The following ADSS2 variants were observed in gnomAD, a reference collection of about 807,000 sequenced individuals.
ADSS2 encodes adenylosuccinate synthase 2.
Under a neutral mutation model 60.0 loss-of-function variants are expected in ADSS2, and 30 were observed. That is an observed-to-expected ratio of 0.50 (90% CI 0.37 to 0.68). ADSS2 has a LOEUF of 0.68. ADSS2 is among the 30% of genes least tolerant of loss of function. The pLI is 0.00. For synonymous variants in ADSS2, 187 were observed against 193.1 expected, an observed-to-expected ratio of 0.97 and a Z score of 0.26; for missense variants, 373 against 554.8, an observed-to-expected ratio of 0.67 and a Z score of 3.29.
chr1:244,417,511 A>G lies in ADSS2; in HGVS notation c.1070+117T>C. On this transcript the variant is annotated intron_variant, in intron 10 of 12. Coordinates refer to ENST00000366535, the MANE Select transcript of ADSS2 (RefSeq NM_001126.5). ...TGGTCTACTTCTGCCTGGCACTACA[A>G]TTTCAATATGGAGTCTAAAGAGTGA... 2.3e-6 allele frequency: 3 copies of G among 1,294,244 alleles called. No homozygotes were observed. The South Asian group carries it at 4.4e-5, about 19-fold the overall frequency. The allele number at this position is 1,294,244 out of a possible 1,614,324, so 80.2% of individuals were successfully genotyped here. A position where few individuals can be genotyped will look rare whatever the true frequency, so the allele number is the denominator to read the frequency against.
Position 244,451,876 on chromosome 1 carries a change from T to C in ADSS2, c.-59A>G. 1 of 1,439,702 alleles carries C rather than the reference T, an allele frequency of 6.9e-7. No homozygotes were observed. Among genetic ancestry groups the C allele is most frequent in the Non-Finnish European group, 9.2e-7 (1 of 1,091,112 alleles). The allele number at this position is 1,439,702 out of a possible 1,614,324, so 89.2% of individuals were successfully genotyped here. On this transcript the variant is annotated 5_prime_UTR_variant, in exon 1 of 13. Coordinates refer to ENST00000366535, the MANE Select transcript of ADSS2 (RefSeq NM_001126.5). This position sits in a 1 kb window ranked among gnomAD's most constrained non-coding sequence, Gnocchi z 6.6. ...GGCGGCCGGCGAGGAGTGAGCGAACTGAACTGCTCTGCGGCCGCCAGCCAC... is the reference window on the plus strand; with the variant it reads ...GGCGGCCGGCGAGGAGTGAGCGAACCGAACTGCTCTGCGGCCGCCAGCCAC...
chr1:244,448,777 G>A (rs942064524), intron 1 of ADSS2, among the ~76,000 whole-genome samples: 1 of 152,128 alleles, frequency 6.6e-6, no homozygotes, highest in African/African-American at 2.4e-5. Context: ...TTAACCTCTT[G>A]AGAAACGTAT....
upstream of ADSS2, chr1:244,451,958 C>G: frequency 2.3e-6 from 2 of 871,892 alleles, no homozygotes; most frequent in Non-Finnish European, 3.3e-6. The surrounding 1 kb of genome is among the most constrained non-coding windows in gnomAD (Gnocchi z 6.6). Flanking sequence ...CGGGCCGCCA[C>G]CCTCCAGCCA....
chr1:244,433,765 C>A (rs1360478420), intron 3 of ADSS2, among the ~76,000 whole-genome samples: 2 of 145,688 alleles, frequency 1.4e-5, no homozygotes, highest in East Asian at 2.1e-4. Context: ...GAGGCTGAGG[C>A]AGGAGAATCA....
chr1:244,419,226 C>T lies in ADSS2; in HGVS notation c.791-312G>A, dbSNP rs913437429. ...GAAGAAATTTAATGCTGAAACTCAT[C>T]TACTTATTTTCATAGTTTCCTGTTA... On this transcript the variant is annotated intron_variant, in intron 8 of 12. Transcript: ENST00000366535. 6.6e-5 allele frequency: 13 copies of T among 197,362 alleles called. No individual in the cohort carries two copies. The Admixed American group carries it at 7.7e-4, about 12-fold the overall frequency. 12.2% of individuals were successfully genotyped at this position (197,362 alleles called of 1,614,324 possible).
chr1:244,410,296 G>GT (rs934521670), intron 12 of ADSS2, among the ~76,000 whole-genome samples: 1 of 152,128 alleles, frequency 6.6e-6, no homozygotes, highest in African/African-American at 2.4e-5. Context: ...CAAGGCAAAA[G>GT]AGATTTTACA....
At chr1:244,441,310 G>A (rs914692758) in intron 1 of ADSS2, among the ~76,000 whole-genome samples, 10 of 151,940 alleles carry the variant, frequency 6.6e-5, no homozygotes, top group African/African-American at 1.4e-4. Context: ...CGCCCGCCTC[G>A]GCCTTCCAAA....
At position 244,411,426 on chromosome 1, in the gene ADSS2, T is replaced by C. The variant is rs1664415410; in HGVS notation, c.1179A>G (p.Glu393=). ...EIIPHIPANQ[E]VLNKVEVQYK... ...ATTGAACTTCAACTTTATTTAAGAC[T>C]TCTTGGTTTGCTAAAAGTTAAAGAG... Residue 393 remains glutamate, a synonymous_variant, in exon 12 of 13, where the codon GAA becomes GAG. Coordinates refer to ENST00000366535, the MANE Select transcript of ADSS2 (RefSeq NM_001126.5). 6.2e-7 allele frequency: 1 copy of C among 1,608,694 alleles called. No individual in the cohort carries two copies. The highest frequency in any genetic ancestry group is 1.7e-5 in the Admixed American group (1 of 58,878).
chr1:244,428,078 T>A (rs1664848043), intron 4 of ADSS2, among the ~76,000 whole-genome samples: 1 of 151,992 alleles, frequency 6.6e-6, no homozygotes, highest in Non-Finnish European at 1.5e-5. Context: ...ACATAGAAAA[T>A]CAGTTGGGAT....
chr1:244,417,207 T>C (rs1664553945), intron 10 of ADSS2, among the ~76,000 whole-genome samples: 2 of 152,182 alleles, frequency 1.3e-5, no homozygotes, highest in South Asian at 4.1e-4. Context: ...CAGAGGATGA[T>C]TAACTTGCTC....
At chr1:244,440,592 C>T (rs1252382755) in intron 1 of ADSS2, among the ~76,000 whole-genome samples, 3 of 152,006 alleles carry the variant, frequency 2.0e-5, no homozygotes, top group Admixed American at 2.0e-4. Context: ...AAGAAATTCC[C>T]GCATATGATA....
rs147173394 is a variant in ADSS2 at position 244,445,406 on chromosome 1, T to C, written c.183+6229A>G. ...AATACTTTAAAGCATTACTGCAGGA[T>C]AGAGGAATGATATAATAGTATTTAG... On this transcript the variant is annotated intron_variant, in intron 1 of 12. Coordinates refer to ENST00000366535, the MANE Select transcript of ADSS2 (RefSeq NM_001126.5). Among the ~76,000 whole-genome samples the C allele has an allele frequency of 9.2e-5, 14 of 152,356 alleles. No individual in the cohort carries two copies. In the East Asian group the frequency reaches 2.1e-3, roughly 23 times the overall value.
chr1:244,410,451 C>T (rs1664385685), intron 12 of ADSS2, among the ~76,000 whole-genome samples: 1 of 152,188 alleles, frequency 6.6e-6, no homozygotes, highest in Admixed American at 6.5e-5. Context: ...GCCTAACTCC[C>T]TCGCCATCTT....
At chr1:244,437,634 GA>G (rs1372231424) in intron 2 of ADSS2, 31 bp downstream of exon 2, 1 of 1,402,576 alleles carries the variant, frequency 7.1e-7, no homozygotes, top group African/African-American at 1.4e-5. Flanking sequence ...TGGTGGGGGG[GA>G]ATCTCCATGC....
chr1:244,447,314 C>T (rs1011367475), intron 1 of ADSS2, among the ~76,000 whole-genome samples: 2 of 152,160 alleles, frequency 1.3e-5, no homozygotes, highest in Non-Finnish European at 2.9e-5. Flanking sequence ...TCTAGATTTG[C>T]TCTAGGCAAC....
At chr1:244,432,443 C>T (rs550232295) in intron 4 of ADSS2, 102 bp downstream of exon 4, 28 of 851,290 alleles carry the variant, frequency 3.3e-5, no homozygotes, top group East Asian at 8.7e-5. Context: ...ATCCTACTTA[C>T]GCTAAATAAA....
At chr1:244,446,320 G>A (rs1454932527) in intron 1 of ADSS2, among the ~76,000 whole-genome samples, 1 of 152,114 alleles carries the variant, frequency 6.6e-6, no homozygotes, top group Non-Finnish European at 1.5e-5. Context: ...TCACATAACT[G>A]CAATTAGCTT....
intron 10 of ADSS2, 39 bp from the exon 11 acceptor site, chr1:244,416,117 TC>T: frequency 7.4e-7 from 1 of 1,354,674 alleles, no homozygotes; most frequent in Middle Eastern, 1.8e-4. Context: ...AAGAGCAGAC[TC>T]TTAAAGCCTC....
chr1:244,426,160 A>C (rs1224731681), intron 4 of ADSS2, among the ~76,000 whole-genome samples: 1 of 152,196 alleles, frequency 6.6e-6, no homozygotes, highest in African/African-American at 2.4e-5. Context: ...GGGCTGTTTT[A>C]AACCCTGATT....
Sources: allele counts gnomAD v4.1 joint callset (sites outside exome capture counted in the v4.1 genomes callset), GRCh38; gene constraint gnomAD v4.1.1; non-coding constraint Gnocchi (gnomAD v3.1); transcripts MANE v1.5; gene names NCBI Gene and HGNC (gene_info 2026-07-23, HGNC 2026-07-21).